The following PBX4 variants were observed in gnomAD, a reference collection of about 807,000 sequenced individuals.
PBX4 encodes pre-B-cell leukemia transcription factor 4.
PBX4 carries 26 observed loss-of-function variants against 35.1 expected under a neutral mutation model. The observed-to-expected ratio is 0.74, with a 90% CI of 0.54 to 1.03. PBX4 has a LOEUF of 1.03. Ranked by LOEUF, PBX4 falls within the 50% of genes least tolerant of loss-of-function variation. The pLI is 0.00. For synonymous variants in PBX4, 199 were observed against 204.2 expected, an observed-to-expected ratio of 0.97 and a Z score of 0.22; for missense variants, 448 against 504.3, an observed-to-expected ratio of 0.89 and a Z score of 1.07.
intron 2 of PBX4, among the ~76,000 whole-genome samples, chr19:19,590,273 G>T (rs2061518804): frequency 6.6e-6 from 1 of 152,012 alleles, no homozygotes; most frequent in Non-Finnish European, 1.5e-5. Context: ...CTGTCTCTAT[G>T]GATTTGCCTG....
chr19:19,565,960 G>T (rs1166994252), intron 5 of PBX4, among the ~76,000 whole-genome samples: 2 of 151,540 alleles, frequency 1.3e-5, no homozygotes, highest in African/African-American at 4.9e-5. Flanking sequence ...ATAGGGTCTC[G>T]CTCTGTTGCC....
intron 2 of PBX4, among the ~76,000 whole-genome samples, chr19:19,596,091 T>C (rs2061559001): frequency 6.6e-6 from 1 of 151,890 alleles, no homozygotes; most frequent in Non-Finnish European, 1.5e-5. Context: ...AGTGAGACCC[T>C]GTCTCAAAAA....
At chr19:19,567,222 C>A (rs762795449) in intron 5 of PBX4, among the ~76,000 whole-genome samples, 1 of 152,192 alleles carries the variant, frequency 6.6e-6, no homozygotes, top group Non-Finnish European at 1.5e-5. Context: ...AAATGTCTCA[C>A]GCTTCTCCAG....
chr19:19,576,710 T>C (rs1200320726), intron 2 of PBX4, among the ~76,000 whole-genome samples: 1 of 152,008 alleles, frequency 6.6e-6, no homozygotes, highest in African/African-American at 2.4e-5. Context: ...CTCGACCTCC[T>C]GGGGTCAAGC....
chr19:19,574,810 TTTTG>T (rs1474632913), intron 2 of PBX4, among the ~76,000 whole-genome samples: 2 of 151,794 alleles, frequency 1.3e-5, no homozygotes, highest in Non-Finnish European at 2.9e-5. Context: ...AATTTTTGTT[TTTTG>T]TTTGTTTCAA....
rs569391995 is a variant in PBX4, at chr19:19,589,224, C to A, written c.193+10068G>T. Among the ~76,000 whole-genome samples the A allele has an allele frequency of 7.2e-5, 11 of 151,896 alleles. No individual in the cohort carries two copies. In the East Asian group the frequency reaches 2.1e-3, roughly 29 times the overall value. ...CCGGCGGATCACGAGGTCAGGAGAT[C>A]GAGACCATCCTGGCTAACACGATGA... On this transcript the variant is annotated intron_variant, in intron 2 of 7. Coordinates refer to ENST00000251203, the MANE Select transcript of PBX4 (RefSeq NM_025245.3).
At chr19:19,566,904 T>C (rs2061345763) in intron 5 of PBX4, among the ~76,000 whole-genome samples, 1 of 152,112 alleles carries the variant, frequency 6.6e-6, no homozygotes, top group Non-Finnish European at 1.5e-5. Context: ...GCCACGGGGT[T>C]TCACCATGTT....
At chr19:19,576,702 C>T (rs895954188) in intron 2 of PBX4, among the ~76,000 whole-genome samples, 1 of 152,004 alleles carries the variant, frequency 6.6e-6, no homozygotes, top group Non-Finnish European at 1.5e-5. Context: ...TCTGTAACCT[C>T]GACCTCCTGG....
chr19:19,577,583 T>C (rs1220447714), intron 2 of PBX4, among the ~76,000 whole-genome samples: 1 of 152,180 alleles, frequency 6.6e-6, no homozygotes, highest in Non-Finnish European at 1.5e-5. Flanking sequence ...TTACACATTT[T>C]TGGCCGGGCT....
At position 19,565,213 on chromosome 19, in the gene PBX4, G is replaced by A. The variant is rs534755256; in HGVS notation, c.769-124C>T. 1.2e-4 allele frequency: 144 copies of A among 1,180,522 alleles called. No individual in the cohort carries two copies. In the African/African-American group the frequency reaches 1.8e-3, roughly 14 times the overall value. The allele number at this position is 1,180,522 out of a possible 1,614,324, so 73.1% of individuals were successfully genotyped here. A position where few individuals can be genotyped will look rare whatever the true frequency, so the allele number is the denominator to read the frequency against. On this transcript the variant is annotated intron_variant, in intron 5 of 7. Transcript: ENST00000251203. ...TTAGAAGACAACACTGCACCCTGGGGCTATGAAGAGTCTGGGACTGAGAAG... is the reference window on the plus strand; with the variant it reads ...TTAGAAGACAACACTGCACCCTGGGACTATGAAGAGTCTGGGACTGAGAAG...
Position 19,563,624 on chromosome 19 carries a change from G to C in PBX4, c.926-9C>G. 1 of 1,548,004 alleles carries C rather than the reference G, an allele frequency of 6.5e-7. No homozygotes were observed. Among genetic ancestry groups the C allele is most frequent in the African/African-American group, 1.4e-5 (1 of 73,050 alleles). Reference sequence around the variant, plus strand: ...GAAGGGTCCAGAGGAGCCTGGAAGAGATGGGAGCCGGGGTGGGCAGAGTCG... The same window carrying C: ...GAAGGGTCCAGAGGAGCCTGGAAGACATGGGAGCCGGGGTGGGCAGAGTCG... On this transcript the variant is annotated splice_polypyrimidine_tract_variant and intron_variant, in intron 6 of 7. Coordinates refer to ENST00000251203, the MANE Select transcript of PBX4 (RefSeq NM_025245.3). The surrounding 1 kb of genome is among the most constrained non-coding windows in gnomAD (Gnocchi z 5.1).
chr19:19,591,642 G>A (rs2061528908), intron 2 of PBX4, among the ~76,000 whole-genome samples: 1 of 152,162 alleles, frequency 6.6e-6, no homozygotes, highest in South Asian at 2.1e-4. Flanking sequence ...TCTGCAAGGG[G>A]CCTCTGGGGC....
Position 19,618,679 on chromosome 19 carries a change from A to G in PBX4, c.-50T>C, listed in dbSNP as rs1021962012. On this transcript the variant is annotated 5_prime_UTR_variant, in exon 1 of 8. Coordinates refer to ENST00000251203, the MANE Select transcript of PBX4 (RefSeq NM_025245.3). The stretch of plus-strand genomic sequence containing the variant: ...GTGAGGGTGCCGTCGAGCCTGGAGC[A>G]CTACCACTGGCGCCGCAGCCAACCG... The G allele has an allele frequency of 1.7e-6, 2 of 1,180,662 alleles. No homozygotes were observed. The highest frequency in any genetic ancestry group is 1.6e-5 in the African/African-American group (1 of 62,278). The allele number at this position is 1,180,662 out of a possible 1,614,324, so 73.1% of individuals were successfully genotyped here.
At chr19:19,596,218 C>T (rs1324307699) in intron 2 of PBX4, among the ~76,000 whole-genome samples, 1 of 151,892 alleles carries the variant, frequency 6.6e-6, no homozygotes, top group Non-Finnish European at 1.5e-5. Flanking sequence ...ATGATGAAAC[C>T]CTGTCTCTAC....
intron 1 of PBX4, among the ~76,000 whole-genome samples, chr19:19,601,711 G>T (rs951383678): frequency 4.6e-5 from 7 of 152,054 alleles, no homozygotes; most frequent in African/African-American, 1.7e-4. Context: ...TATGTTGCTG[G>T]CCTTGATCAT....
chr19:19,590,528 G>GCGT (rs778926794), intron 2 of PBX4, among the ~76,000 whole-genome samples: 2 of 151,236 alleles, frequency 1.3e-5, no homozygotes, highest in African/African-American at 2.4e-5. Context: ...GAGTACAGTG[G>GCGT]CGTGATCTCC....
intron 2 of PBX4, among the ~76,000 whole-genome samples, chr19:19,574,124 G>A (rs948485624): frequency 9.9e-5 from 15 of 151,836 alleles, no homozygotes; most frequent in African/African-American, 3.6e-4. Flanking sequence ...CGATCCACCC[G>A]CCTCGGCCTC....
rs114448167 is a variant in PBX4, at chr19:19,588,748, A to G, written c.193+10544T>C. On this transcript the variant is annotated intron_variant, in intron 2 of 7. Coordinates refer to ENST00000251203, the MANE Select transcript of PBX4 (RefSeq NM_025245.3). ...CCTAGCAACATGCACACTAACCATG[A>G]CCAACCAATTCCCAGCCTGCGAATC... Among the ~76,000 whole-genome samples the G allele has an allele frequency of 6.5e-3, 992 of 152,190 alleles. 9 individuals are homozygous for G. The highest frequency in any genetic ancestry group is 0.023 in the African/African-American group (949 of 41,486).
rs1028103920 is a variant in PBX4 at position 19,569,727 on chromosome 19, T to G, written c.633-143A>C. On this transcript the variant is annotated intron_variant, in intron 4 of 7. Transcript: ENST00000251203. ...GAGTTCGAGACCAGCGTGGTCAACA[T>G]AGTGAAACCCCGTTTCTACTAAAAA... 3.4e-6 allele frequency: 4 copies of G among 1,165,698 alleles called. No homozygotes were observed. The African/African-American group carries it at 6.3e-5, about 18-fold the overall frequency. The allele number at this position is 1,165,698 out of a possible 1,614,324, so 72.2% of individuals were successfully genotyped here. A position where few individuals can be genotyped will look rare whatever the true frequency, so the allele number is the denominator to read the frequency against.
Sources: gnomAD v4.1 joint callset for allele counts (sites outside exome capture counted in the v4.1 genomes callset) on GRCh38, gnomAD v4.1.1 for gene constraint, Gnocchi (gnomAD v3.1) non-coding constraint, MANE v1.5 for transcripts, NCBI Gene and HGNC (gene_info 2026-07-23, HGNC 2026-07-21) for gene names.